Variants in TRERF1 observed in about 807,000 individuals in gnomAD.
TRERF1 encodes transcriptional-regulating factor 1.
Under a neutral mutation model 122.9 loss-of-function variants are expected in TRERF1, and 27 were observed. That is an observed-to-expected ratio of 0.22 (90% confidence interval 0.16 to 0.30). TRERF1 has a LOEUF of 0.30. Ranked by LOEUF, TRERF1 falls within the 10% of genes least tolerant of loss-of-function variation. The pLI, the probability that TRERF1 is intolerant of heterozygous loss-of-function variation, is 1.00. For missense variants in TRERF1, 1,248 were observed against 1,560.3 expected, an observed-to-expected ratio of 0.80 and a Z score of 3.37; for synonymous variants, 636 against 641.7, an observed-to-expected ratio of 0.99 and a Z score of 0.13.
chr6:42,378,937 A>AAGACACTGTCTTACTTTAGTAG (rs1340658446), intron 2 of TRERF1, among the ~76,000 whole-genome samples: 3 of 152,050 alleles, frequency 2.0e-5, no homozygotes, highest in Non-Finnish European at 4.4e-5. Flanking sequence ...ACAACATAGT[A>AAGACACTGTCTTACTTTAGTAG]AGACACTGTC....
chr6:42,353,367 A>G (rs113562984), intron 3 of TRERF1, among the ~76,000 whole-genome samples: 4 of 152,064 alleles, frequency 2.6e-5, no homozygotes, highest in Non-Finnish European at 5.9e-5. Context: ...CGCATGGATC[A>G]TCTGAGGACA....
At chr6:42,353,661 TTATGA>T (rs533612283) in intron 3 of TRERF1, among the ~76,000 whole-genome samples, 56 of 152,252 alleles carry the variant, frequency 3.7e-4, no homozygotes, top group Admixed American at 2.1e-3. Context: ...GTTAAATACA[TTATGA>T]TATATGTGTG....
At chr6:42,332,313 G>A (rs1312132933) in intron 3 of TRERF1, among the ~76,000 whole-genome samples, 1 of 152,268 alleles carries the variant, frequency 6.6e-6, no homozygotes, top group East Asian at 1.9e-4. Context: ...GTGAGGTGTA[G>A]CAGGCGGGGC....
intron 3 of TRERF1, among the ~76,000 whole-genome samples, chr6:42,327,910 G>A (rs2150534253): frequency 6.6e-6 from 1 of 152,048 alleles, no homozygotes; most frequent in East Asian, 1.9e-4. Flanking sequence ...GTGTTTGAGG[G>A]CCAGAGGAAG....
chr6:42,283,488 A>C (rs1430341130), intron 4 of TRERF1, among the ~76,000 whole-genome samples: 2 of 152,090 alleles, frequency 1.3e-5, no homozygotes, highest in African/African-American at 4.8e-5. Flanking sequence ...AACTGGGCTA[A>C]TTGGGGAAAA....
intron 2 of TRERF1, among the ~76,000 whole-genome samples, chr6:42,379,692 G>T (rs1051007427): frequency 6.6e-6 from 1 of 152,104 alleles, no homozygotes; most frequent in Non-Finnish European, 1.5e-5. Context: ...TACCACACTT[G>T]GATAATTTTT....
chr6:42,418,618 A>T (rs894750223), intron 2 of TRERF1, among the ~76,000 whole-genome samples: 2 of 151,806 alleles, frequency 1.3e-5, no homozygotes, highest in African/African-American at 4.8e-5. Flanking sequence ...TGGTGCAGGG[A>T]CTGTGCTTTG....
At chr6:42,365,282 T>C (rs990040200) in intron 2 of TRERF1, among the ~76,000 whole-genome samples, 4 of 152,132 alleles carry the variant, frequency 2.6e-5, no homozygotes, top group Non-Finnish European at 4.4e-5. Context: ...CAGAGGGCCC[T>C]GCTCTAGCCA....
At chr6:42,237,890 G>A (rs1772620733) in intron 15 of TRERF1, among the ~76,000 whole-genome samples, 1 of 152,186 alleles carries the variant, frequency 6.6e-6, no homozygotes, top group Admixed American at 6.5e-5. Flanking sequence ...TACTTGCGAT[G>A]CAGTATGAAC....
At chr6:42,285,235 T>G (rs886473896) in intron 4 of TRERF1, among the ~76,000 whole-genome samples, 5 of 152,132 alleles carry the variant, frequency 3.3e-5, no homozygotes, top group African/African-American at 1.2e-4. Flanking sequence ...TTTTATTCTC[T>G]TTGAAGCAAT....
chr6:42,271,251 T>C (rs577656116), intron 4 of TRERF1, among the ~76,000 whole-genome samples: 2 of 151,826 alleles, frequency 1.3e-5, no homozygotes, highest in African/African-American at 4.8e-5. Flanking sequence ...CTAGAACTCA[T>C]GGATGGCAGA....
At chr6:42,304,139 G>T (rs530301501) in intron 3 of TRERF1, among the ~76,000 whole-genome samples, 8 of 152,186 alleles carry the variant, frequency 5.3e-5, no homozygotes, top group African/African-American at 1.4e-4. Context: ...AGTTTGGCCA[G>T]TGGCAAAATT....
At chr6:42,287,010 GA>G (rs1783359320) in intron 4 of TRERF1, among the ~76,000 whole-genome samples, 1 of 145,168 alleles carries the variant, frequency 6.9e-6, no homozygotes, top group South Asian at 2.3e-4. Context: ...GATGAAATTG[GA>G]AATCATCATT....
intron 2 of TRERF1, among the ~76,000 whole-genome samples, chr6:42,436,818 T>TAC (rs1785517535): frequency 8.9e-6 from 1 of 112,462 alleles, no homozygotes; most frequent in Non-Finnish European, 1.8e-5. Flanking sequence ...AAAAAAAATA[T>TAC]ATATATATAT....
chr6:42,292,972 C>G (rs781700540), intron 4 of TRERF1, among the ~76,000 whole-genome samples: 1 of 152,192 alleles, frequency 6.6e-6, no homozygotes, highest in Non-Finnish European at 1.5e-5. Context: ...ATACCATTTC[C>G]TTACTTTTAG....
At chr6:42,357,424 G>A (rs1272765897) in intron 3 of TRERF1, among the ~76,000 whole-genome samples, 1 of 151,818 alleles carries the variant, frequency 6.6e-6, no homozygotes, top group East Asian at 1.9e-4. Context: ...CTACTAGAAG[G>A]ACTCAAACGG....
chr6:42,445,898 T>A (rs942574034), intron 2 of TRERF1, among the ~76,000 whole-genome samples: 2 of 151,856 alleles, frequency 1.3e-5, no homozygotes, highest in Non-Finnish European at 2.9e-5. Flanking sequence ...ACTCCAAACT[T>A]TCTTTTGTTT....
Position 42,290,806 on chromosome 6 carries a change from G to A in TRERF1, c.-259+9832C>T, listed in dbSNP as rs535913107. On this transcript the variant is annotated intron_variant, in intron 4 of 17. Transcript: ENST00000372922. ...AGCTCATAATTGCATCTCTTTAACA[G>A]CCCTGGGATGGGGAAATCAGTGCTG... Among the ~76,000 whole-genome samples the A allele has an allele frequency of 5.7e-5, 7 of 123,064 alleles. No homozygotes were observed. In the South Asian group the frequency reaches 1.8e-3, roughly 31 times the overall value. The allele number at this position is 123,064 out of a possible 152,430, so 80.7% of individuals were successfully genotyped here.
At chr6:42,405,806 A>AT (rs1394620118) in intron 2 of TRERF1, among the ~76,000 whole-genome samples, 1 of 146,898 alleles carries the variant, frequency 6.8e-6, no homozygotes, top group African/African-American at 2.5e-5. Context: ...AAAAAAAAAA[A>AT]ATTAAAAAAA....
Sources: gnomAD v4.1 joint callset for allele counts (sites outside exome capture counted in the v4.1 genomes callset) on GRCh38, gnomAD v4.1.1 for gene constraint, MANE v1.5 for transcripts, NCBI Gene and HGNC (gene_info 2026-07-23, HGNC 2026-07-21) for gene names.